The following BMX variants were observed in gnomAD, a reference collection of about 807,000 sequenced individuals.
BMX encodes the protein BMX non-receptor tyrosine kinase.
Under a neutral mutation model 59.2 loss-of-function variants are expected in BMX, and 31 were observed. The ratio of observed to expected loss-of-function variants is 0.52; its 90% CI spans 0.39 to 0.71. BMX has a LOEUF of 0.71. BMX is among the 30% of genes least tolerant of loss of function. BMX has a pLI of 0.00. For synonymous variants in BMX, 185 were observed against 181.0 expected (o/e 1.02, Z -0.18); for missense variants, 474 against 491.7 (o/e 0.96, Z 0.34).
rs749140949 is a variant in BMX, at chrX:15,549,897, A to G, written c.1853A>G (p.Asn618Ser). ...LGKQPYDLYD[N>S]SQVVLKVSQG... ...AAGCAGCCCTATGACTTGTATGACA[A>G]CTCCCAGGTGGTTCTGAAGGTCTCC... The change falls in exon 18 of 19, where the codon AAC (asparagine) becomes AGC (serine). Residue 618 changes from asparagine to serine, a missense_variant. Coordinates refer to ENST00000348343, the MANE Select transcript of BMX (RefSeq NM_203281.3). The G allele has an allele frequency of 2.5e-6, 3 of 1,207,762 alleles. No homozygotes were observed. The highest frequency in any genetic ancestry group is 3.5e-5 in the African/African-American group (2 of 57,114).
chrX:15,510,966 A>G (rs1923931167), intron 3 of BMX, among the ~76,000 whole-genome samples: 1 of 112,374 alleles, frequency 8.9e-6, no homozygotes, highest in Non-Finnish European at 1.9e-5. Flanking sequence ...CAATGTAAGT[A>G]TGAACTGTAT....
At position 15,536,382 on chromosome X, in the gene BMX, T is replaced by G; in HGVS notation, c.1177T>G (p.Ser393Ala). The G allele has an allele frequency of 8.3e-7, 1 of 1,209,705 alleles. No homozygotes were observed. Among genetic ancestry groups the G allele is most frequent in the Non-Finnish European group, 1.1e-6 (1 of 894,482 alleles). The part of the protein sequence containing the change: ...GMITRLRHPV[S>A]TKANKVPDSV... Reference sequence around the variant, plus strand: ...GATCACACGGCTCCGCCACCCTGTGTCAACAAAGGCCAACAAGGTCCCCGA... The same window carrying G: ...GATCACACGGCTCCGCCACCCTGTGGCAACAAAGGCCAACAAGGTCCCCGA... Residue 393 changes from serine (S) to alanine (A), a missense_variant, in exon 13 of 19, where the codon TCA becomes GCA. Ser to Ala is a moderately conservative substitution (Grantham distance 99). Transcript: ENST00000348343.
intron 14 of BMX, 76 bp from the exon 15 acceptor site, chrX:15,541,906 C>A: frequency 1.1e-6 from 1 of 949,963 alleles, no homozygotes. Flanking sequence ...AAACAGAAAT[C>A]TGAGAGCAAC....
intron 8 of BMX, among the ~76,000 whole-genome samples, chrX:15,525,794 GC>G (rs1297058670): frequency 8.9e-6 from 1 of 112,109 alleles, no homozygotes; most frequent in East Asian, 2.8e-4. Flanking sequence ...TCTTCTGGGG[GC>G]CTCCTGGGGA....
chrX:15,537,034 G>A (rs1925393873), intron 13 of BMX, 100 bp from the exon 14 acceptor site: 1 of 852,872 alleles, frequency 1.2e-6, no homozygotes, highest in African/African-American at 2.1e-5. Flanking sequence ...TGTTTATATT[G>A]TCACTGTGAA....
chrX:15,508,596 A>G, intron 2 of BMX, 105 bp downstream of exon 2: 1 of 607,858 alleles, frequency 1.6e-6, no homozygotes, highest in Non-Finnish European at 2.5e-6. Flanking sequence ...CTTAACTTAC[A>G]CTGTGAAGAT....
chrX:15,503,933 G>T (rs1192011489), intron 1 of BMX, among the ~76,000 whole-genome samples: 1 of 111,774 alleles, frequency 8.9e-6, no homozygotes, highest in Non-Finnish European at 1.9e-5. Context: ...TATCCCATAG[G>T]GTGGGGGTGT....
intron 5 of BMX, 124 bp from the exon 6 acceptor site, chrX:15,517,805 C>A: frequency 1.7e-6 from 1 of 571,777 alleles, no homozygotes; most frequent in Non-Finnish European, 2.8e-6. Context: ...GATGTTGTGT[C>A]TGGATTCACT....
Position 15,554,860 on chromosome X carries a change from A to G in BMX, c.1954-1213A>G, listed in dbSNP as rs185251616. Among the ~76,000 whole-genome samples, 325 of 110,613 alleles carry G rather than the reference A, an allele frequency of 2.9e-3. 2 individuals carry two copies. The highest frequency in any genetic ancestry group is 0.01 in the African/African-American group (309 of 30,595). On this transcript the variant is annotated intron_variant, in intron 18 of 18. Coordinates refer to ENST00000348343, the MANE Select transcript of BMX (RefSeq NM_203281.3). ...AATGGTGGTGAAATGCCACCCTAAT[A>G]TTATACTAAATTTCCATATGTACTT...
intron 4 of BMX, among the ~76,000 whole-genome samples, chrX:15,513,008 C>T (rs948382009): frequency 5.3e-5 from 6 of 112,168 alleles, no homozygotes; most frequent in Non-Finnish European, 9.4e-5. Context: ...CCTCATAAAA[C>T]TGCAGAGAGT....
intron 6 of BMX, 33 bp from the exon 7 acceptor site, chrX:15,522,313 C>T (rs1355763638): frequency 8.3e-7 from 1 of 1,201,923 alleles, no homozygotes; most frequent in African/African-American, 1.8e-5. Flanking sequence ...CTGTGCCTCA[C>T]TGTGATGTAT....
At chrX:15,507,534 C>A in intron 1 of BMX, 1 of 180,222 alleles carries the variant, frequency 5.5e-6, no homozygotes, top group Non-Finnish European at 8.7e-6. Flanking sequence ...TGGCCTACTG[C>A]TCAACATTGC....
intron 16 of BMX, 138 bp from the exon 17 acceptor site, chrX:15,546,665 G>T: frequency 2.2e-6 from 1 of 453,135 alleles, no homozygotes. Context: ...GCAGCCTCCA[G>T]CTAAGCCCAC....
rs150604042 is a variant in BMX at position 15,551,825 on chromosome X, A to G, written c.1953+1828A>G. Among the ~76,000 whole-genome samples, 7 of 111,147 alleles carry G rather than the reference A, an allele frequency of 6.3e-5. No homozygotes were observed. The East Asian group carries it at 2.0e-3, about 31-fold the overall frequency. On this transcript the variant is annotated intron_variant, in intron 18 of 18. Coordinates refer to ENST00000348343, the MANE Select transcript of BMX (RefSeq NM_203281.3). ...CAAATGTTGACTATGGGAACTATGG[A>G]TATGGACAGAGATATGCAGACTACA...
chrX:15,550,540 G>A (rs896924723), intron 18 of BMX, among the ~76,000 whole-genome samples: 1 of 110,210 alleles, frequency 9.1e-6, no homozygotes, highest in South Asian at 4.0e-4. Flanking sequence ...GTATCTTATG[G>A]GGAAGACATG....
chrX:15,504,751 G>T (rs1354443391), intron 1 of BMX, among the ~76,000 whole-genome samples: 2 of 112,125 alleles, frequency 1.8e-5, no homozygotes, highest in Non-Finnish European at 3.8e-5. Flanking sequence ...ATTGATTTCT[G>T]CCAGGTTTTT....
intron 16 of BMX, among the ~76,000 whole-genome samples, 159 bp downstream of exon 16, chrX:15,543,294 G>A: frequency 9.0e-6 from 1 of 111,621 alleles, no homozygotes; most frequent in South Asian, 3.7e-4. Flanking sequence ...GAAATTATCT[G>A]ACGTCACTTT....
chrX:15,546,583 T>A (rs919971635), intron 16 of BMX, among the ~76,000 whole-genome samples: 4 of 112,200 alleles, frequency 3.6e-5, no homozygotes, highest in Middle Eastern at 4.2e-3. Context: ...TTTCTATATT[T>A]ACCAAACATT....
chrX:15,511,439 T>C lies in BMX; in HGVS notation c.246T>C (p.Ile82=). ...TPVERQYPFQ[I]VYKDGLLYVY... is the part of the protein sequence containing the mutation. The stretch of plus-strand genomic sequence containing the variant: ...ACACCAAATATTTTCCTTTCCAGAT[T>C]GTCTATAAAGATGGGCTTCTCTATG... The change falls in exon 4 of 19, where the codon ATT becomes ATC. Residue 82 remains isoleucine, a splice_region_variant and synonymous_variant. Coordinates refer to ENST00000348343, the MANE Select transcript of BMX (RefSeq NM_203281.3). 2 of 1,197,563 alleles carry C rather than the reference T, an allele frequency of 1.7e-6. No individual in the cohort carries two copies. Among genetic ancestry groups the C allele is most frequent in the Non-Finnish European group, 2.3e-6 (2 of 886,905 alleles).
Sources: allele counts gnomAD v4.1 joint callset (sites outside exome capture counted in the v4.1 genomes callset), GRCh38; gene constraint gnomAD v4.1.1; transcripts MANE v1.5; gene names NCBI Gene and HGNC (gene_info 2026-07-23, HGNC 2026-07-21).